The following MYO18A variants were observed in gnomAD, a reference collection of about 807,000 sequenced individuals.
MYO18A encodes unconventional myosin-XVIIIa.
A neutral mutation model predicts 235.8 loss-of-function variants in MYO18A; 78 were observed. The observed-to-expected ratio is 0.33, with a 90% CI of 0.28 to 0.40. The LOEUF (loss-of-function observed/expected upper bound fraction) is 0.40. Among genes scored for constraint, MYO18A ranks in the 10% least tolerant of loss-of-function variants. The pLI, the probability that MYO18A is intolerant of heterozygous loss-of-function variation, is 1.00. For missense variants in MYO18A, 2,215 were observed against 2,699.3 expected (o/e 0.82, Z 3.98); for synonymous variants, 977 against 1,077.8 (o/e 0.91, Z 1.83).
At chr17:29,147,972 G>C (rs775734748) in intron 2 of MYO18A, among the ~76,000 whole-genome samples, 1 of 151,762 alleles carries the variant, frequency 6.6e-6, no homozygotes, top group Non-Finnish European at 1.5e-5. Context: ...GATTCTGGCA[G>C]TTGATGGGGA....
intron 2 of MYO18A, among the ~76,000 whole-genome samples, chr17:29,153,016 A>G (rs992920400): frequency 1.3e-5 from 2 of 152,204 alleles, no homozygotes; most frequent in African/African-American, 4.8e-5. Context: ...TGCCTGGCCA[A>G]TGCTCACTGA....
chr17:29,097,381 G>A, intron 26 of MYO18A, 31 bp from the exon 27 acceptor site: 1 of 1,602,018 alleles, frequency 6.2e-7, no homozygotes, highest in Non-Finnish European at 8.5e-7. Flanking sequence ...AGGGAGGATG[G>A]AGGTGCTGAG....
Position 29,115,757 on chromosome 17 carries a change from CT to C in MYO18A, c.2133del (p.Ala712ProfsTer35). On this transcript the variant is annotated frameshift_variant, in exon 12 of 42. Transcript: ENST00000527372. LOFTEE classifies it high-confidence loss of function. ...LLGCSLEELS[S>X]AIFKHQHKGG... ...CCCTTGTGCTGGTGCTTGAAGATGG[CT>C]GAGGACAGCTCCTCCAGGCTGCAGC... is the stretch of plus-strand genomic sequence containing the variant. 6.3e-7 allele frequency: 1 copy of C among 1,597,472 alleles called. No homozygotes were observed. Among genetic ancestry groups the C allele is most frequent in the Non-Finnish European group, 8.5e-7 (1 of 1,171,940 alleles).
chr17:29,087,991 G>A (rs2066297272), intron 37 of MYO18A, among the ~76,000 whole-genome samples: 2 of 151,028 alleles, frequency 1.3e-5, no homozygotes, highest in African/African-American at 4.9e-5. Context: ...CTTCCTGTAT[G>A]TAAAATGGGG....
intron 1 of MYO18A, chr17:29,176,599 C>A (rs1226976817): frequency 1.3e-5 from 2 of 152,194 alleles, no homozygotes; most frequent in African/African-American, 4.8e-5. Flanking sequence ...TCCTCCAGCC[C>A]CGGGACCCCG....
intron 20 of MYO18A, among the ~76,000 whole-genome samples, chr17:29,105,764 G>A (rs1383137200): frequency 6.6e-6 from 1 of 152,154 alleles, no homozygotes; most frequent in Non-Finnish European, 1.5e-5. Context: ...AGATAAGGAG[G>A]GGACATCTAG....
At position 29,072,764 on chromosome 17, in the gene MYO18A, C is replaced by T. The variant is rs2065899267; in HGVS notation, c.*2006G>A. 6.6e-6 allele frequency: 1 copy of T among 152,200 alleles called. No homozygotes were observed. Among genetic ancestry groups the T allele is most frequent in the African/African-American group, 2.4e-5 (1 of 41,420 alleles). 9.4% of individuals were successfully genotyped at this position (152,200 alleles called of 1,614,324 possible). On this transcript the variant is annotated 3_prime_UTR_variant, in exon 42 of 42. Coordinates refer to ENST00000527372, the MANE Select transcript of MYO18A (RefSeq NM_078471.4). ...TTTTCCCACCCATCTGTCCAAACTA[C>T]TTTATTCATTCAGGGATTATAACTG... is the stretch of plus-strand genomic sequence containing the variant.
In MYO18A at chr17:29,110,093, G is replaced by A. The variant is rs754799796; in HGVS notation, c.3096C>T (p.Leu1032=). ...CIQMKLQVDA[L]IDTIKKSKLH... ...GCTTTGACTTCTTGATGGTGTCGATGAGGGCGTCCTGCCGAGGGGAAGAGA... is the reference window on the plus strand; with the variant it reads ...GCTTTGACTTCTTGATGGTGTCGATAAGGGCGTCCTGCCGAGGGGAAGAGA... Residue 1032 remains leucine (L), a synonymous_variant, in exon 19 of 42, where the codon CTC becomes CTT. Transcript: ENST00000527372. 40 of 1,610,132 alleles carry A rather than the reference G, an allele frequency of 2.5e-5. No homozygotes were observed. In the African/African-American group the frequency reaches 4.4e-4, roughly 18 times the overall value.
chr17:29,127,499 A>C (rs1343939513), intron 2 of MYO18A, among the ~76,000 whole-genome samples: 1 of 152,224 alleles, frequency 6.6e-6, no homozygotes, highest in African/African-American at 2.4e-5. Flanking sequence ...TTGAGAAAAC[A>C]GTCTTTCCTC....
chr17:29,114,120 A>G (rs2066999898), intron 14 of MYO18A, 23 bp from the exon 15 acceptor site: 3 of 1,558,912 alleles, frequency 1.9e-6, no homozygotes, highest in Non-Finnish European at 2.6e-6. Context: ...GCCGAGCGGT[A>G]GTGAGCATGG....
At chr17:29,079,405 T>C (rs1816041023) in intron 41 of MYO18A, among the ~76,000 whole-genome samples, 1 of 152,200 alleles carries the variant, frequency 6.6e-6, no homozygotes, top group Non-Finnish European at 1.5e-5. Flanking sequence ...ACAGAGCTAA[T>C]CAGACTTTGT....
chr17:29,086,304 G>T, intron 39 of MYO18A, 134 bp downstream of exon 39: 1 of 1,019,528 alleles, frequency 9.8e-7, no homozygotes, highest in South Asian at 1.6e-5. Flanking sequence ...GGATCTGGCA[G>T]TAAAGGGAGG....
chr17:29,089,339 T>C (rs1307237244), intron 37 of MYO18A, among the ~76,000 whole-genome samples: 1 of 134,940 alleles, frequency 7.4e-6, no homozygotes, highest in African/African-American at 2.9e-5. Context: ...GGGAATCGCT[T>C]GAACCCGGGA....
rs1218580331 is a variant in MYO18A at position 29,093,968 on chromosome 17, C to CA, written c.4821+11dup. 1.3e-6 allele frequency: 2 copies of CA among 1,590,010 alleles called. No homozygotes were observed. Among genetic ancestry groups the CA allele is most frequent in the Non-Finnish European group, 8.6e-7 (1 of 1,165,826 alleles). On this transcript the variant is annotated intron_variant, in intron 31 of 41. Transcript: ENST00000527372. ...TGTTTACGCTGGACAGGTAAGTACT[C>CA]AGATACCTTACCTTCTTCTGACACG... is the stretch of plus-strand genomic sequence containing the variant.
At position 29,167,614 on chromosome 17, in the gene MYO18A, G is replaced by A. The variant is rs138421927; in HGVS notation, c.-81-593C>T. On this transcript the variant is annotated intron_variant, in intron 1 of 41. Coordinates refer to ENST00000527372, the MANE Select transcript of MYO18A (RefSeq NM_078471.4). The stretch of plus-strand genomic sequence containing the variant: ...CACATTCCTAGCTACTTGGGAATTT[G>A]AGGATTGCTTGAGCCCAGGAGGTCG... Among the ~76,000 whole-genome samples, 785 of 152,038 alleles carry A rather than the reference G, an allele frequency of 5.2e-3. 6 individuals carry two copies. The highest frequency in any genetic ancestry group is 8.4e-3 in the Non-Finnish European group (572 of 68,008).
intron 1 of MYO18A, among the ~76,000 whole-genome samples, chr17:29,171,921 C>T (rs62065165): frequency 6.6e-6 from 1 of 150,818 alleles, no homozygotes; most frequent in Admixed American, 6.6e-5. Context: ...AAAAAAAAAC[C>T]ATAGCCTGAT....
chr17:29,081,607 T>C (rs2066125167), intron 41 of MYO18A, among the ~76,000 whole-genome samples: 2 of 132,022 alleles, frequency 1.5e-5, no homozygotes, highest in South Asian at 2.7e-4. Flanking sequence ...GGATTCTATG[T>C]TGTGGGGGCA....
At chr17:29,153,662 C>CCT (rs908242931) in intron 2 of MYO18A, among the ~76,000 whole-genome samples, 2 of 151,940 alleles carry the variant, frequency 1.3e-5, no homozygotes, top group Admixed American at 1.3e-4. Flanking sequence ...TGCCTAGGGC[C>CCT]CTCTCTCTCT....
intron 26 of MYO18A, 54 bp from the exon 27 acceptor site, chr17:29,097,404 G>A: frequency 1.3e-6 from 2 of 1,593,382 alleles, no homozygotes; most frequent in African/African-American, 1.3e-5. Context: ...TCCCCAGAAG[G>A]GGCAGAGGGG....
Sources: allele counts gnomAD v4.1 joint callset (sites outside exome capture counted in the v4.1 genomes callset), GRCh38; gene constraint gnomAD v4.1.1; transcripts MANE v1.5; gene names NCBI Gene and HGNC (gene_info 2026-07-23, HGNC 2026-07-21).